The following NGEF variants were observed in gnomAD, a reference collection of about 807,000 sequenced individuals.
NGEF encodes the protein neuronal guanine nucleotide exchange factor.
NGEF carries 31 observed loss-of-function variants against 80.9 expected under a neutral mutation model. The observed-to-expected ratio is 0.38, with a 90% CI of 0.29 to 0.52. The LOEUF is 0.52. Ranked by LOEUF, NGEF falls within the 20% of genes least tolerant of loss-of-function variation. NGEF has a pLI of 0.84. For missense variants in NGEF, 709 were observed against 926.2 expected, an observed-to-expected ratio of 0.77 and a Z score of 3.04; for synonymous variants, 371 against 370.2, an observed-to-expected ratio of 1.00 and a Z score of -0.03.
In NGEF at chr2:232,933,111, AAAAT is replaced by A. The variant is rs60621174; in HGVS notation, c.384-5929_384-5926del. The stretch of plus-strand genomic sequence containing the variant: ...GGAACAAGAGTGAAACTCCATCTCA[AAAAT>A]AAATAAATAAATAAATAAATAAATA... On this transcript the variant is annotated intron_variant, in intron 3 of 14. Transcript: ENST00000264051. 7.8e-3 allele frequency among the ~76,000 whole-genome samples: 1,093 copies of A among 140,156 alleles called. 11 individuals carry two copies. Among genetic ancestry groups the A allele is most frequent in the African/African-American group, 0.021 (790 of 37,630 alleles). The allele number at this position is 140,156 out of a possible 152,430, so 91.9% of individuals were successfully genotyped here. A position where few individuals can be genotyped will look rare whatever the true frequency, so the allele number is the denominator to read the frequency against.
intron 5 of NGEF, among the ~76,000 whole-genome samples, chr2:232,909,731 CA>C (rs1406711029): frequency 6.6e-6 from 1 of 152,144 alleles, no homozygotes; most frequent in Non-Finnish European, 1.5e-5. Context: ...GCTCCCCCCA[CA>C]CCTAACCCTT....
chr2:232,926,249 T>C (rs1371415636), intron 4 of NGEF, among the ~76,000 whole-genome samples: 2 of 152,132 alleles, frequency 1.3e-5, no homozygotes, highest in East Asian at 1.9e-4. Flanking sequence ...AAAAGACTTC[T>C]GGAACCATTT....
At chr2:232,954,789 G>T (rs973327650) in intron 3 of NGEF, among the ~76,000 whole-genome samples, 2 of 151,226 alleles carry the variant, frequency 1.3e-5, no homozygotes, top group Non-Finnish European at 2.9e-5. Context: ...ATGAAGGAAG[G>T]GTGGCAGGTT....
intron 14 of NGEF, among the ~76,000 whole-genome samples, chr2:232,880,108 T>G (rs968854980): frequency 5.3e-5 from 8 of 151,950 alleles, no homozygotes; most frequent in Non-Finnish European, 7.4e-5. Context: ...CAGCCGAGCA[T>G]GTGGTTAGCT....
chr2:232,932,483 T>A (rs577810261), intron 3 of NGEF, among the ~76,000 whole-genome samples: 2 of 152,102 alleles, frequency 1.3e-5, no homozygotes, highest in Admixed American at 6.6e-5. Context: ...CCTTTCAAAT[T>A]CCATCCATGG....
chr2:232,923,947 G>A (rs1208045466), intron 4 of NGEF, among the ~76,000 whole-genome samples: 1 of 151,844 alleles, frequency 6.6e-6, no homozygotes, highest in African/African-American at 2.4e-5. Context: ...TATAAAAGAG[G>A]TGGAAAGGGC....
intron 1 of NGEF, among the ~76,000 whole-genome samples, chr2:232,979,628 G>T (rs563674408): frequency 2.0e-5 from 3 of 152,246 alleles, no homozygotes; most frequent in South Asian, 4.1e-4. Context: ...ACTTCAGGGT[G>T]GGGGAGCCTG....
At chr2:232,954,720 G>A (rs552322321) in intron 3 of NGEF, among the ~76,000 whole-genome samples, 61 of 118,270 alleles carry the variant, frequency 5.2e-4, no homozygotes, top group African/African-American at 1.5e-3. Context: ...GCGAGACTCC[G>A]TCTCAAAAGA....
chr2:232,928,250 G>C (rs1426622481), intron 3 of NGEF: 3 of 802,308 alleles, frequency 3.7e-6, no homozygotes, highest in South Asian at 1.1e-4. Context: ...GGGCGGCGGC[G>C]GGGCGGGGGC....
chr2:232,970,370 C>G (rs772640621), intron 2 of NGEF, 42 bp from the exon 3 acceptor site: 1 of 1,311,610 alleles, frequency 7.6e-7, no homozygotes, highest in Non-Finnish European at 1.1e-6. Context: ...AGATACAGAT[C>G]AACCCTTTTC....
Position 232,959,579 on chromosome 2 carries a change from C to CTTT in NGEF, c.383+10632_383+10634dup, listed in dbSNP as rs10663890. Reference sequence around the variant, plus strand: ...CAATGGGCGATTCCACAGCAATGACCTTTTTTTTTTTTTTTTTAAGACAGA... The same window carrying CTTT: ...CAATGGGCGATTCCACAGCAATGACCTTTTTTTTTTTTTTTTTTTTAAGACAGA... On this transcript the variant is annotated intron_variant, in intron 3 of 14. Transcript: ENST00000264051. Among the ~76,000 whole-genome samples the CTTT allele has an allele frequency of 2.8e-3, 396 of 139,922 alleles. 4 individuals are homozygous for CTTT. The highest frequency in any genetic ancestry group is 3.8e-3 in the Non-Finnish European group (251 of 65,724). 91.8% of individuals were successfully genotyped at this position (139,922 alleles called of 152,430 possible).
intron 3 of NGEF, among the ~76,000 whole-genome samples, chr2:232,930,421 G>T (rs1693194869): frequency 6.6e-6 from 1 of 151,880 alleles, no homozygotes; most frequent in Non-Finnish European, 1.5e-5. Flanking sequence ...CCGGGTTCAA[G>T]CGATTCTCCT....
At chr2:232,901,807 G>A (rs1329588864) in intron 5 of NGEF, among the ~76,000 whole-genome samples, 2 of 152,240 alleles carry the variant, frequency 1.3e-5, no homozygotes, top group Non-Finnish European at 2.9e-5. Context: ...AGAATGCCAA[G>A]GGTCTAAGGC....
intron 1 of NGEF, among the ~76,000 whole-genome samples, chr2:232,978,388 G>A (rs1486013695): frequency 6.6e-6 from 1 of 151,944 alleles, no homozygotes; most frequent in Non-Finnish European, 1.5e-5. Context: ...GGTGGTGGGC[G>A]CCTGTAATCC....
intron 1 of NGEF, among the ~76,000 whole-genome samples, chr2:232,977,798 C>T (rs1374630719): frequency 6.6e-6 from 1 of 152,144 alleles, no homozygotes; most frequent in Non-Finnish European, 1.5e-5. Context: ...ACATAGAGCA[C>T]GTCCTGAGGG....
intron 3 of NGEF, 77 bp from the exon 4 acceptor site, chr2:232,927,263 C>A (rs1291973615): frequency 1.2e-5 from 17 of 1,449,512 alleles, no homozygotes; most frequent in Non-Finnish European, 1.4e-5. Context: ...GAGGGGCGTG[C>A]GCACAGGCGG....
intron 6 of NGEF, 74 bp from the exon 7 acceptor site, chr2:232,893,124 T>C (rs1039526238): frequency 4.0e-6 from 6 of 1,493,390 alleles, no homozygotes; most frequent in Non-Finnish European, 5.5e-6. Flanking sequence ...AAGGGCAGCA[T>C]GCGAGCCTGA....
At chr2:232,882,145 C>A (rs752443821) in intron 13 of NGEF, 41 bp downstream of exon 13, 2 of 1,583,214 alleles carry the variant, frequency 1.3e-6, no homozygotes. Flanking sequence ...GCAGGGCCAG[C>A]CCAAGGACAA....
At chr2:232,953,868 T>C (rs1693736653) in intron 3 of NGEF, among the ~76,000 whole-genome samples, 1 of 152,104 alleles carries the variant, frequency 6.6e-6, no homozygotes, top group South Asian at 2.1e-4. Flanking sequence ...AGCCACCAGA[T>C]AAGACATTTT....
Sources: allele counts gnomAD v4.1 joint callset (sites outside exome capture counted in the v4.1 genomes callset), GRCh38; gene constraint gnomAD v4.1.1; transcripts MANE v1.5; gene names NCBI Gene and HGNC (gene_info 2026-07-23, HGNC 2026-07-21).